The following EIF4ENIF1 variants were observed in gnomAD, a reference collection of about 807,000 sequenced individuals.
EIF4ENIF1 encodes the protein eukaryotic translation initiation factor 4E nuclear import factor 1.
A neutral mutation model predicts 110.5 loss-of-function variants in EIF4ENIF1; 23 were observed. The ratio of observed to expected loss-of-function variants is 0.21; its 90% CI spans 0.15 to 0.29. The LOEUF is 0.29. EIF4ENIF1 is among the 10% of genes least tolerant of loss of function. The pLI is 1.00. For synonymous variants in EIF4ENIF1, 440 were observed against 437.0 expected, an observed-to-expected ratio of 1.01 and a Z score of -0.09; for missense variants, 1,031 against 1,221.1, an observed-to-expected ratio of 0.84 and a Z score of 2.32.
intron 1 of EIF4ENIF1, chr22:31,489,450 G>C (rs1191431445): frequency 6.6e-6 from 1 of 151,712 alleles, no homozygotes; most frequent in Non-Finnish European, 1.5e-5. Flanking sequence ...GGCGCTTCAA[G>C]CTGGAGCTAG....
At chr22:31,464,201 A>G (rs572238267) in intron 4 of EIF4ENIF1, 15 of 486,902 alleles carry the variant, frequency 3.1e-5, no homozygotes, top group African/African-American at 2.8e-4. Context: ...ATAATTTTCC[A>G]TGATTAGTCT....
At chr22:31,477,369 AAAAAAC>A (rs1357175270) in intron 2 of EIF4ENIF1, among the ~76,000 whole-genome samples, 1 of 95,452 alleles carries the variant, frequency 1.0e-5, no homozygotes, top group Non-Finnish European at 2.3e-5. Flanking sequence ...AAAAAAAAAA[AAAAAAC>A]AAAAAAAACA....
At position 31,463,842 on chromosome 22, in the gene EIF4ENIF1, T is replaced by C; in HGVS notation, c.424A>G (p.Lys142Glu). ...SSRRSGSPLEKDSDGLRLLGG... is the reference protein window; with the variant it reads ...SSRRSGSPLEEDSDGLRLLGG... ...AGCAGACGAAGCCCATCACTATCTT[T>C]CTCTAATGGACTTCCTGAGCGCCGG... The change falls in exon 5 of 19, where the codon AAA becomes GAA. Residue 142 changes from lysine (K) to glutamate (E), a missense_variant. Physicochemically the swap from Lys to Glu is moderately conservative, Grantham distance 56. Transcript: ENST00000330125. 1 of 1,613,960 alleles carries C rather than the reference T, an allele frequency of 6.2e-7. No individual in the cohort carries two copies. The highest frequency in any genetic ancestry group is 1.3e-5 in the African/African-American group (1 of 74,960).
At chr22:31,487,118 C>T (rs1032561639) in intron 2 of EIF4ENIF1, among the ~76,000 whole-genome samples, 22 of 152,078 alleles carry the variant, frequency 1.4e-4, no homozygotes, top group Non-Finnish European at 2.8e-4. Flanking sequence ...CATTTGATGG[C>T]TTTTCTCCAT....
intron 14 of EIF4ENIF1, among the ~76,000 whole-genome samples, chr22:31,446,405 G>T (rs956383101): frequency 6.6e-6 from 1 of 152,062 alleles, no homozygotes; most frequent in East Asian, 1.9e-4. Context: ...CCAGTCTGGA[G>T]CTCTCTGTTT....
rs1169014019 is a variant in EIF4ENIF1, at chr22:31,439,753, G to A, written c.*127C>T. 1 of 1,357,764 alleles carries A rather than the reference G, an allele frequency of 7.4e-7. No homozygotes were observed. The highest frequency in any genetic ancestry group is 1.5e-5 in the African/African-American group (1 of 68,874). 84.1% of individuals were successfully genotyped at this position (1,357,764 alleles called of 1,614,324 possible). On this transcript the variant is annotated 3_prime_UTR_variant, in exon 19 of 19. Coordinates refer to ENST00000330125, the MANE Select transcript of EIF4ENIF1 (RefSeq NM_019843.4). ...ATAATGCGGACCACACCAGATGCAT[G>A]GGTTCCACCAAACAGCTTCACACAG...
intron 12 of EIF4ENIF1, 107 bp downstream of exon 12, chr22:31,449,241 C>G (rs1345855976): frequency 8.5e-7 from 1 of 1,181,432 alleles, no homozygotes; most frequent in Non-Finnish European, 1.2e-6. Flanking sequence ...AACTTCTGAC[C>G]TCAGGTGATC....
chr22:31,440,245 A>C lies in EIF4ENIF1; in HGVS notation c.2717-124T>G. On this transcript the variant is annotated intron_variant, in intron 18 of 18. Coordinates refer to ENST00000330125, the MANE Select transcript of EIF4ENIF1 (RefSeq NM_019843.4). ...GGATTTTTTCTAGGGCTTCTTTAGA[A>C]ACTCCTTTGCAAAATACCAACAATG... is the stretch of plus-strand genomic sequence containing the variant. The C allele has an allele frequency of 4.4e-6, 6 of 1,373,492 alleles. No homozygotes were observed. In the South Asian group the frequency reaches 7.7e-5, roughly 18 times the overall value. The allele number at this position is 1,373,492 out of a possible 1,614,324, so 85.1% of individuals were successfully genotyped here.
intron 2 of EIF4ENIF1, among the ~76,000 whole-genome samples, chr22:31,472,933 T>C (rs1601627968): frequency 6.6e-6 from 1 of 152,166 alleles, no homozygotes; most frequent in Non-Finnish European, 1.5e-5. Flanking sequence ...AACTGCATGT[T>C]TGTATCCATA....
chr22:31,483,008 CAG>C (rs2146095653), intron 2 of EIF4ENIF1, among the ~76,000 whole-genome samples: 1 of 151,646 alleles, frequency 6.6e-6, no homozygotes, highest in East Asian at 2.0e-4. Context: ...TGGCGACAGA[CAG>C]AGACTCTGTC....
At chr22:31,468,078 C>T in intron 4 of EIF4ENIF1, 97 bp downstream of exon 4, 1 of 1,516,546 alleles carries the variant, frequency 6.6e-7, no homozygotes. Flanking sequence ...GACATTTCCC[C>T]TCAAAGCATA....
intron 15 of EIF4ENIF1, among the ~76,000 whole-genome samples, chr22:31,443,731 G>T (rs1397490936): frequency 6.6e-6 from 1 of 151,516 alleles, no homozygotes; most frequent in South Asian, 2.1e-4. Flanking sequence ...TCTGAAGCAC[G>T]CAGCAAAGTT....
In EIF4ENIF1 at chr22:31,441,723, T is replaced by G. The variant is rs946349885; in HGVS notation, c.2551+51A>C. On this transcript the variant is annotated intron_variant, in intron 17 of 18. Coordinates refer to ENST00000330125, the MANE Select transcript of EIF4ENIF1 (RefSeq NM_019843.4). ...ATAGCACTTCATCAGTGCCAACAAT[T>G]GTCCCCTAGGCCCACAAACTGACGA... 6.2e-6 allele frequency: 9 copies of G among 1,457,810 alleles called. No homozygotes were observed. The Admixed American group carries it at 8.3e-5, about 13-fold the overall frequency. 90.3% of individuals were successfully genotyped at this position (1,457,810 alleles called of 1,614,324 possible). A position where few individuals can be genotyped will look rare whatever the true frequency, so the allele number is the denominator to read the frequency against.
At chr22:31,441,637 G>C in intron 17 of EIF4ENIF1, 137 bp downstream of exon 17, 1 of 719,920 alleles carries the variant, frequency 1.4e-6, no homozygotes, top group East Asian at 2.8e-5. Flanking sequence ...TGGGCCCACT[G>C]CCTGCCAGTT....
intron 16 of EIF4ENIF1, 142 bp from the exon 17 acceptor site, chr22:31,442,260 A>C: frequency 3.0e-6 from 2 of 671,792 alleles, no homozygotes; most frequent in Non-Finnish European, 5.0e-6. Flanking sequence ...CACGGTAGGA[A>C]CCATCGTTTG....
upstream of EIF4ENIF1, among the ~76,000 whole-genome samples, chr22:31,490,677 CAG>C (rs746347530): frequency 9.2e-5 from 14 of 152,230 alleles, no homozygotes; most frequent in South Asian, 2.1e-4. Context: ...CTCAGGCTGA[CAG>C]GGGGCCACAG....
At chr22:31,472,002 TC>T in intron 2 of EIF4ENIF1, 85 bp from the exon 3 acceptor site, 1 of 1,116,180 alleles carries the variant, frequency 9.0e-7, no homozygotes, top group Non-Finnish European at 1.3e-6. Flanking sequence ...ATTCTAAGTG[TC>T]CATCTTAAAC....
chr22:31,456,296 T>C (rs996761643), intron 7 of EIF4ENIF1, among the ~76,000 whole-genome samples: 12 of 150,414 alleles, frequency 8.0e-5, no homozygotes, highest in Non-Finnish European at 1.2e-4. Flanking sequence ...CGATCTCGGC[T>C]CACTGCAAGC....
chr22:31,441,849 G>A lies in EIF4ENIF1; in HGVS notation c.2476C>T (p.Leu826Phe). The A allele has an allele frequency of 1.2e-6, 2 of 1,614,220 alleles. No homozygotes were observed. Among genetic ancestry groups the A allele is most frequent in the Non-Finnish European group, 1.7e-6 (2 of 1,180,048 alleles). ...HVPMVRPAHQ[L>F]HPGLVQRMLA... ...ATCCTCTGTACCAACCCTGGGTGAA[G>A]CTGGTGAGCAGGCCTAACCATAGGG... The change falls in exon 17 of 19, where the codon CTT becomes TTT. Residue 826 changes from leucine (L) to phenylalanine (F), a missense_variant. By Grantham distance (22) the Leu-to-Phe change is conservative. Transcript: ENST00000330125.
Sources: allele counts gnomAD v4.1 joint callset (sites outside exome capture counted in the v4.1 genomes callset), GRCh38; gene constraint gnomAD v4.1.1; transcripts MANE v1.5; gene names NCBI Gene and HGNC (gene_info 2026-07-23, HGNC 2026-07-21).